The following NELL1 variants were observed in gnomAD, a reference collection of about 807,000 sequenced individuals.
The protein encoded by NELL1 is protein kinase C-binding protein NELL1.
NELL1 carries 76 observed loss-of-function variants against 107.4 expected under a neutral mutation model. That is an observed-to-expected ratio of 0.71 (90% CI 0.59 to 0.86). NELL1 has a LOEUF of 0.86. NELL1 is among the 40% of genes least tolerant of loss of function. The pLI is 0.00. For synonymous variants in NELL1, 353 were observed against 341.2 expected, an observed-to-expected ratio of 1.03 and a Z score of -0.38; for missense variants, 1,024 against 1,005.5, an observed-to-expected ratio of 1.02 and a Z score of -0.25.
chr11:20,693,322 T>C (rs1854521077), intron 2 of NELL1, among the ~76,000 whole-genome samples: 2 of 152,160 alleles, frequency 1.3e-5, no homozygotes, highest in South Asian at 2.1e-4. Context: ...AATTTGATCC[T>C]GTCATTATGA....
Position 21,073,833 on chromosome 11 carries a change from A to C in NELL1, c.1301-39756A>C, listed in dbSNP as rs1476975312. Among the ~76,000 whole-genome samples, 3 of 152,232 alleles carry C rather than the reference A, an allele frequency of 2.0e-5. No individual in the cohort carries two copies. The East Asian group carries it at 5.8e-4, about 29-fold the overall frequency. On this transcript the variant is annotated intron_variant, in intron 12 of 19. Transcript: ENST00000357134. ...GATTCAACCAATTAATTCGAGTGCT[A>C]TAAATAGAAAATGAATAAATTTTTC...
At chr11:21,514,881 T>C (rs1855519886) in intron 15 of NELL1, among the ~76,000 whole-genome samples, 1 of 152,172 alleles carries the variant, frequency 6.6e-6, no homozygotes, top group African/African-American at 2.4e-5. Flanking sequence ...TATTTGTTCC[T>C]TTGCCAATGT....
At chr11:20,720,743 C>T (rs1213775643) in intron 2 of NELL1, among the ~76,000 whole-genome samples, 1 of 152,038 alleles carries the variant, frequency 6.6e-6, no homozygotes. Context: ...ATCATTTTCC[C>T]TCTAAGTGGA....
chr11:21,408,082 T>C (rs1250240026), intron 15 of NELL1, among the ~76,000 whole-genome samples: 1 of 151,990 alleles, frequency 6.6e-6, no homozygotes, highest in Non-Finnish European at 1.5e-5. Flanking sequence ...ATATGATTAT[T>C]GTGCTCATGG....
chr11:21,258,960 A>T (rs374445297), intron 14 of NELL1, among the ~76,000 whole-genome samples: 58 of 152,060 alleles, frequency 3.8e-4, no homozygotes, highest in African/African-American at 1.3e-3. Flanking sequence ...AACCAGGAAC[A>T]GTATAGTCAC....
chr11:21,101,618 T>C (rs547193904), intron 12 of NELL1, among the ~76,000 whole-genome samples: 1 of 152,312 alleles, frequency 6.6e-6, no homozygotes, highest in East Asian at 1.9e-4. Context: ...CATGTGTCTT[T>C]TGGCTGCATA....
intron 12 of NELL1, among the ~76,000 whole-genome samples, chr11:20,999,721 C>CA (rs5790153): frequency 0.3 from 41,081 of 138,206 alleles, 8,068 homozygotes; most frequent in African/African-American, 0.57. Flanking sequence ...GGTACCCTTG[C>CA]AAAAAAAAAA....
intron 12 of NELL1, among the ~76,000 whole-genome samples, chr11:21,081,517 A>C (rs1854268847): frequency 1.3e-5 from 2 of 152,098 alleles, no homozygotes; most frequent in Non-Finnish European, 2.9e-5. Flanking sequence ...CTTAAACTCA[A>C]CTTCTAACTT....
At chr11:21,411,069 A>C (rs963007004) in intron 15 of NELL1, among the ~76,000 whole-genome samples, 3 of 152,054 alleles carry the variant, frequency 2.0e-5, no homozygotes, top group African/African-American at 7.2e-5. Flanking sequence ...GTAACCACAC[A>C]ATTTTGAATC....
chr11:21,542,938 A>G (rs1301394657), intron 16 of NELL1, among the ~76,000 whole-genome samples: 1 of 152,054 alleles, frequency 6.6e-6, no homozygotes, highest in Admixed American at 6.6e-5. Flanking sequence ...GAGTATATAA[A>G]TTATTCTAAT....
chr11:21,394,862 T>G lies in NELL1; in HGVS notation c.1645+23914T>G, dbSNP rs118160864. Among the ~76,000 whole-genome samples the G allele has an allele frequency of 4.6e-5, 7 of 151,622 alleles. No individual in the cohort carries two copies. In the East Asian group the frequency reaches 1.4e-3, roughly 30 times the overall value. ...CTTAGTTAAGGATATACATTGAAAA[T>G]CTTTATATTTGTCCACGAGCTACAA... On this transcript the variant is annotated intron_variant, in intron 15 of 19. Transcript: ENST00000357134.
rs535279236 is a variant in NELL1 at position 20,964,282 on chromosome 11, C to T, written c.1300+3722C>T. Among the ~76,000 whole-genome samples, 689 of 152,082 alleles carry T rather than the reference C, an allele frequency of 4.5e-3. 1 individual carries two copies. The highest frequency in any genetic ancestry group is 7.9e-3 in the Non-Finnish European group (534 of 67,978). On this transcript the variant is annotated intron_variant, in intron 12 of 19. Coordinates refer to ENST00000357134, the MANE Select transcript of NELL1 (RefSeq NM_006157.5). Reference sequence around the variant, plus strand: ...AGGGGCCCTACTCATGATCTTAGTTCTTGAATTTGGAGTCTACCTAGATAG... The same window carrying T: ...AGGGGCCCTACTCATGATCTTAGTTTTTGAATTTGGAGTCTACCTAGATAG...
chr11:21,154,528 C>G (rs375563452), intron 13 of NELL1, among the ~76,000 whole-genome samples: 1 of 152,152 alleles, frequency 6.6e-6, no homozygotes, highest in Non-Finnish European at 1.5e-5. Flanking sequence ...AGTCTTTTTC[C>G]CTTAAGGAGC....
At chr11:21,024,282 A>C (rs1590552929) in intron 12 of NELL1, among the ~76,000 whole-genome samples, 1 of 152,276 alleles carries the variant, frequency 6.6e-6, no homozygotes, top group East Asian at 1.9e-4. Context: ...AAAATCAAGT[A>C]AGCCAGAGGA....
intron 15 of NELL1, among the ~76,000 whole-genome samples, chr11:21,510,985 G>C (rs1047106980): frequency 2.4e-4 from 36 of 152,290 alleles, no homozygotes; most frequent in Non-Finnish European, 3.8e-4. Context: ...ATTTCCAGCT[G>C]TATGATTTTG....
At chr11:21,462,275 T>C (rs183371611) in intron 15 of NELL1, among the ~76,000 whole-genome samples, 1 of 152,110 alleles carries the variant, frequency 6.6e-6, no homozygotes, top group Non-Finnish European at 1.5e-5. Context: ...CATTTGAAAT[T>C]TTAAAATTCT....
At chr11:21,515,024 G>T (rs879257345) in intron 15 of NELL1, among the ~76,000 whole-genome samples, 6 of 151,974 alleles carry the variant, frequency 3.9e-5, no homozygotes, top group Admixed American at 1.3e-4. Flanking sequence ...TAAAATTGAG[G>T]GTAAAGCAAT....
At chr11:20,834,377 G>A (rs1485588760) in intron 3 of NELL1, among the ~76,000 whole-genome samples, 1 of 152,152 alleles carries the variant, frequency 6.6e-6, no homozygotes, top group African/African-American at 2.4e-5. Flanking sequence ...GTTATGTGTT[G>A]CGAGTATTGA....
chr11:20,956,118 C>G (rs1815568091), intron 11 of NELL1, among the ~76,000 whole-genome samples: 1 of 152,144 alleles, frequency 6.6e-6, no homozygotes, highest in Admixed American at 6.5e-5. Flanking sequence ...ACTCTGGAGG[C>G]TGAGGCAGGA....
Sources: gnomAD v4.1 joint callset for allele counts (sites outside exome capture counted in the v4.1 genomes callset) on GRCh38, gnomAD v4.1.1 for gene constraint, MANE v1.5 for transcripts, NCBI Gene and HGNC (gene_info 2026-07-23, HGNC 2026-07-21) for gene names.